GGACT: variants seen among roughly 807,000 people sequenced by gnomAD.
GGACT encodes the protein gamma-glutamylamine cyclotransferase.
For missense variants in GGACT, 241 were observed against 233.2 expected (o/e 1.03, Z -0.22); for synonymous variants, 118 against 115.3 (o/e 1.02, Z -0.15).
intron 2 of GGACT, among the ~76,000 whole-genome samples, chr13:100,549,408 C>T (rs1005379408): frequency 2.0e-5 from 3 of 152,228 alleles, no homozygotes; most frequent in East Asian, 1.9e-4. Context: ...ACCAGCACAG[C>T]GCCATTCTAA....
intron 2 of GGACT, among the ~76,000 whole-genome samples, chr13:100,561,654 T>C (rs554227653): frequency 6.6e-6 from 1 of 152,320 alleles, no homozygotes; most frequent in South Asian, 2.1e-4. Flanking sequence ...CTTCAGAAGA[T>C]GTGTGCAGCA....
chr13:100,585,926 T>A (rs947733961), intron 1 of GGACT, among the ~76,000 whole-genome samples: 1 of 146,844 alleles, frequency 6.8e-6, no homozygotes, highest in Non-Finnish European at 1.5e-5. Flanking sequence ...ATGGCTTGAA[T>A]CCAGGAGTTC....
At chr13:100,539,923 C>T (rs998941289) in intron 2 of GGACT, 17 of 1,460,842 alleles carry the variant, frequency 1.2e-5, no homozygotes, top group Admixed American at 5.1e-5. Flanking sequence ...TGGTGGGGGA[C>T]GTGGGGCAGC....
At chr13:100,541,439 G>A (rs531820572) in intron 2 of GGACT, among the ~76,000 whole-genome samples, 34 of 152,248 alleles carry the variant, frequency 2.2e-4, no homozygotes, top group African/African-American at 4.8e-5. Flanking sequence ...ACTGACTGCC[G>A]ACTGTGCAGG....
intron 2 of GGACT, among the ~76,000 whole-genome samples, chr13:100,567,144 G>A (rs962967396): frequency 2.0e-5 from 3 of 152,140 alleles, no homozygotes; most frequent in Non-Finnish European, 4.4e-5. Context: ...CATTATTGAT[G>A]ACATTCACTC....
At chr13:100,542,888 C>T (rs2088567608) in intron 2 of GGACT, among the ~76,000 whole-genome samples, 1 of 152,196 alleles carries the variant, frequency 6.6e-6, no homozygotes, top group Non-Finnish European at 1.5e-5. Flanking sequence ...CAGCAGTTCT[C>T]CTTCTTGAAA....
chr13:100,559,625 G>C (rs1169031913), intron 2 of GGACT, among the ~76,000 whole-genome samples: 1 of 152,004 alleles, frequency 6.6e-6, no homozygotes, highest in Non-Finnish European at 1.5e-5. Context: ...CTCCTGAGTA[G>C]CTGGAATTAC....
At chr13:100,575,346 C>T (rs549700976) in intron 2 of GGACT, among the ~76,000 whole-genome samples, 5 of 152,300 alleles carry the variant, frequency 3.3e-5, no homozygotes, top group African/African-American at 1.2e-4. Context: ...ATTTTAGTAA[C>T]TAATCTAGGA....
chr13:100,570,846 C>A (rs1278383054), intron 2 of GGACT, among the ~76,000 whole-genome samples: 1 of 151,676 alleles, frequency 6.6e-6, no homozygotes, highest in African/African-American at 2.4e-5. Flanking sequence ...ATAAGGATAC[C>A]CAAAAACGTG....
intron 2 of GGACT, 42 bp from the exon 3 acceptor site, chr13:100,532,643 G>C (rs1029629115): frequency 6.9e-7 from 1 of 1,450,700 alleles, no homozygotes; most frequent in Non-Finnish European, 9.3e-7. Flanking sequence ...CGCAGTGGGA[G>C]CTCTGTGTCT....
At chr13:100,549,493 C>G (rs966366017) in intron 2 of GGACT, among the ~76,000 whole-genome samples, 2 of 152,222 alleles carry the variant, frequency 1.3e-5, no homozygotes, top group African/African-American at 2.4e-5. Context: ...AAATCAGGAG[C>G]TAAAAGGAAC....
chr13:100,532,260 G>A lies in GGACT; in HGVS notation c.332C>T (p.Pro111Leu). The change falls in exon 3 of 3, where the codon CCC (proline) becomes CTC (leucine). Residue 111 changes from proline (P) to leucine (L), a missense_variant. Pro to Leu is a moderately conservative substitution (Grantham distance 98). Transcript: ENST00000683975. The stretch of plus-strand genomic sequence containing the variant: ...GTACACGAAGCACTGCACCGCGGTG[G>A]GCGCTGGCGGCTCCTCTGCGCCCGG... ...RAPGAEEPPAPTAVQCFVYSR... is the reference protein window; with the variant it reads ...RAPGAEEPPALTAVQCFVYSR... The A allele has an allele frequency of 6.5e-7, 1 of 1,526,984 alleles. No homozygotes were observed. The allele number at this position is 1,526,984 out of a possible 1,614,324, so 94.6% of individuals were successfully genotyped here.
chr13:100,579,653 G>A (rs185589349), intron 2 of GGACT, among the ~76,000 whole-genome samples: 1 of 152,256 alleles, frequency 6.6e-6, no homozygotes, highest in African/African-American at 2.4e-5. Flanking sequence ...GACAGGCCTT[G>A]CTGGGCTTCC....
In GGACT at chr13:100,586,276, A is replaced by C. The variant is rs113287133; in HGVS notation, c.-183-2279T>G. ...TAAACTGCTTCAGCCACAACCAAAA[A>C]AAGAAAAAAAAAGATGAAGTGGATA... On this transcript the variant is annotated intron_variant, in intron 1 of 2. Coordinates refer to ENST00000683975, the MANE Select transcript of GGACT (RefSeq NM_001195087.2). Among the ~76,000 whole-genome samples, 90 of 152,314 alleles carry C rather than the reference A, an allele frequency of 5.9e-4. 1 individual carries two copies. Among genetic ancestry groups the C allele is most frequent in the African/African-American group, 2.2e-3 (90 of 41,554 alleles).
intron 2 of GGACT, among the ~76,000 whole-genome samples, chr13:100,548,402 G>A (rs1248224159): frequency 6.6e-6 from 1 of 152,180 alleles, no homozygotes; most frequent in Non-Finnish European, 1.5e-5. Context: ...GTTAGAAGAA[G>A]CACAAAACAA....
At chr13:100,585,508 C>A (rs932982142) in intron 1 of GGACT, among the ~76,000 whole-genome samples, 18 of 152,098 alleles carry the variant, frequency 1.2e-4, no homozygotes, top group Admixed American at 6.5e-5. Context: ...TGGCTCACGG[C>A]TGTAATCGCA....
intron 2 of GGACT, among the ~76,000 whole-genome samples, chr13:100,574,037 C>T (rs1051238748): frequency 6.6e-6 from 1 of 152,166 alleles, no homozygotes; most frequent in Non-Finnish European, 1.5e-5. Context: ...TTACTGGGTA[C>T]ACATCCAAAG....
At chr13:100,588,081 T>C (rs1424296193) in intron 1 of GGACT, among the ~76,000 whole-genome samples, 2 of 152,156 alleles carry the variant, frequency 1.3e-5, no homozygotes, top group African/African-American at 4.8e-5. Context: ...AAATATTAAA[T>C]CAACTAAGCG....
At chr13:100,553,860 A>AAG (rs1555333904) in intron 2 of GGACT, among the ~76,000 whole-genome samples, 3 of 150,644 alleles carry the variant, frequency 2.0e-5, no homozygotes, top group Non-Finnish European at 4.4e-5. Context: ...AAAAAAAAAA[A>AAG]GGTAGTAACA....
Sources: gnomAD v4.1 joint callset for allele counts (sites outside exome capture counted in the v4.1 genomes callset) on GRCh38, gnomAD v4.1.1 for gene constraint, MANE v1.5 for transcripts, NCBI Gene and HGNC (gene_info 2026-07-23, HGNC 2026-07-21) for gene names.